Variants in DCHS2 observed in about 807,000 individuals in gnomAD.
DCHS2 encodes protocadherin-23.
Under a neutral mutation model 182.4 loss-of-function variants are expected in DCHS2, and 142 were observed. The ratio of observed to expected loss-of-function variants is 0.78; its 90% CI spans 0.68 to 0.89. The LOEUF (loss-of-function observed/expected upper bound fraction) is 0.89. Ranked by LOEUF, DCHS2 falls within the 40% of genes least tolerant of loss-of-function variation. The probability of loss-of-function intolerance (pLI) is 0.00; values close to 1 mark genes in which losing one functional copy is unlikely to be tolerated. For missense variants in DCHS2, 4,319 were observed against 4,198.6 expected, an observed-to-expected ratio of 1.03 and a Z score of -0.79; for synonymous variants, 1,740 against 1,663.3, an observed-to-expected ratio of 1.05 and a Z score of -1.12.
chr4:154,259,156 T>G (rs1365972962), intron 15 of DCHS2, among the ~76,000 whole-genome samples: 1 of 152,150 alleles, frequency 6.6e-6, no homozygotes, highest in Non-Finnish European at 1.5e-5. Context: ...CCTTGAAGAC[T>G]TAGTGTAAAT....
chr4:154,467,147 G>A (rs2111009994), intron 1 of DCHS2, among the ~76,000 whole-genome samples: 1 of 152,200 alleles, frequency 6.6e-6, no homozygotes, highest in East Asian at 1.9e-4. Context: ...TTTTTAAATA[G>A]AAAAAATCAA....
chr4:154,275,636 T>C (rs1027118124), intron 13 of DCHS2, among the ~76,000 whole-genome samples: 3 of 152,150 alleles, frequency 2.0e-5, no homozygotes, highest in Non-Finnish European at 2.9e-5. Flanking sequence ...GTACAATTTA[T>C]TTCCTAAACA....
At chr4:154,368,648 C>T (rs1171165886) in intron 2 of DCHS2, among the ~76,000 whole-genome samples, 1 of 151,992 alleles carries the variant, frequency 6.6e-6, no homozygotes, top group African/African-American at 2.4e-5. Flanking sequence ...TCCCGAATAG[C>T]TGGGATTACA....
chr4:154,365,754 A>G (rs1730320289), intron 3 of DCHS2, among the ~76,000 whole-genome samples: 1 of 151,746 alleles, frequency 6.6e-6, no homozygotes, highest in Admixed American at 6.6e-5. Context: ...GGTACAAGGA[A>G]TTCTCTGCCT....
chr4:154,373,310 A>G (rs1730728872), intron 2 of DCHS2, among the ~76,000 whole-genome samples: 1 of 152,218 alleles, frequency 6.6e-6, no homozygotes, highest in African/African-American at 2.4e-5. Flanking sequence ...AAGAATAATT[A>G]TGATAGATGC....
At chr4:154,362,070 C>T (rs1160519591) in intron 3 of DCHS2, among the ~76,000 whole-genome samples, 1 of 152,150 alleles carries the variant, frequency 6.6e-6, no homozygotes, top group Non-Finnish European at 1.5e-5. Flanking sequence ...TATGACATAA[C>T]ATCTCAACCT....
chr4:154,480,638 T>C (rs962789690), intron 1 of DCHS2, among the ~76,000 whole-genome samples: 3 of 152,222 alleles, frequency 2.0e-5, no homozygotes, highest in African/African-American at 7.2e-5. Context: ...AATTACAAAT[T>C]ACTGTAGTCA....
At chr4:154,381,673 A>G (rs969178140) in intron 1 of DCHS2, among the ~76,000 whole-genome samples, 3 of 152,114 alleles carry the variant, frequency 2.0e-5, no homozygotes, top group Non-Finnish European at 4.4e-5. Context: ...CAAGAACACA[A>G]TCCCATTTAC....
intron 1 of DCHS2, among the ~76,000 whole-genome samples, chr4:154,470,662 A>T (rs1354229476): frequency 1.5e-4 from 23 of 152,168 alleles, no homozygotes; most frequent in Admixed American, 1.5e-3. Context: ...CTCATCTCAT[A>T]AGCTATGTAT....
intron 8 of DCHS2, 130 bp from the exon 9 acceptor site, chr4:154,321,352 T>A (rs1736055426): frequency 5.7e-6 from 6 of 1,047,036 alleles, no homozygotes; most frequent in Non-Finnish European, 7.6e-6. Context: ...GTGAGAAAAA[T>A]GTCATTTTTA....
chr4:154,459,448 C>T (rs576703714), intron 1 of DCHS2, among the ~76,000 whole-genome samples: 1 of 152,170 alleles, frequency 6.6e-6, no homozygotes, highest in East Asian at 1.9e-4. Flanking sequence ...AGTTTTTGCT[C>T]TTCTCTTCTC....
chr4:154,273,047 A>C (rs1323194338), intron 13 of DCHS2, among the ~76,000 whole-genome samples: 5 of 152,136 alleles, frequency 3.3e-5, no homozygotes, highest in Non-Finnish European at 7.4e-5. Context: ...CAGATTCCTT[A>C]AAGAACTAAA....
chr4:154,406,204 C>T (rs1271920060), intron 1 of DCHS2, among the ~76,000 whole-genome samples: 1 of 152,250 alleles, frequency 6.6e-6, no homozygotes, highest in East Asian at 1.9e-4. Context: ...ATGGTAAACA[C>T]CCACGCAGAT....
Position 154,321,017 on chromosome 4 carries a change from A to C in DCHS2, c.4382T>G (p.Leu1461Trp), listed in dbSNP as rs1450982769. Residue 1461 changes from leucine to tryptophan, a missense_variant, in exon 9 of 20, where the codon TTG becomes TGG. By Grantham distance (61) the Leu-to-Trp change is moderately conservative. Transcript: ENST00000357232. Reference protein sequence around the residue: ...HFEIDSSTGDLFLSKELDYET... With the variant: ...HFEIDSSTGDWFLSKELDYET... ...ATAATCAAGTTCCTTAGAAAGAAAC[A>C]AGTCTCCGGTTGAGCTGTCTATTTC... is the stretch of plus-strand genomic sequence containing the variant. The C allele has an allele frequency of 6.2e-7, 1 of 1,613,984 alleles. No individual in the cohort carries two copies. The highest frequency in any genetic ancestry group is 1.1e-5 in the South Asian group (1 of 91,038).
chr4:154,286,363 G>A (rs1356363983), intron 13 of DCHS2, among the ~76,000 whole-genome samples: 3 of 151,966 alleles, frequency 2.0e-5, no homozygotes, highest in Admixed American at 6.6e-5. Context: ...ACTAAATAAG[G>A]CACCAGGGAC....
intron 3 of DCHS2, among the ~76,000 whole-genome samples, chr4:154,351,390 A>G (rs1729603295): frequency 6.6e-6 from 1 of 152,214 alleles, no homozygotes; most frequent in Non-Finnish European, 1.5e-5. Flanking sequence ...AATTGCAGAA[A>G]TTAATGCAAC....
chr4:154,331,379 A>T (rs1327114925), intron 5 of DCHS2, among the ~76,000 whole-genome samples: 1 of 152,154 alleles, frequency 6.6e-6, no homozygotes, highest in African/African-American at 2.4e-5. Flanking sequence ...TATTTTAAAG[A>T]AAAAAACAAG....
Position 154,333,231 on chromosome 4 carries a change from G to C in DCHS2, c.2977C>G (p.Pro993Ala). Residue 993 changes from proline to alanine, a missense_variant, in exon 5 of 20, where the codon CCC becomes GCC. By Grantham distance (27) the Pro-to-Ala change is conservative. Transcript: ENST00000357232. Reference protein sequence around the residue: ...SDEIRISQTTPPGTALYLARA... With the variant: ...SDEIRISQTTAPGTALYLARA... ...GCGAGGTACAAGGCTGTGCCAGGGG[G>C]CGTGGTCTGGGATATTCTAATCTCA... 1 of 1,614,218 alleles carries C rather than the reference G, an allele frequency of 6.2e-7. No individual in the cohort carries two copies. The highest frequency in any genetic ancestry group is 8.5e-7 in the Non-Finnish European group (1 of 1,180,040).
chr4:154,353,169 G>A (rs1164651448), intron 3 of DCHS2, among the ~76,000 whole-genome samples: 1 of 152,100 alleles, frequency 6.6e-6, no homozygotes, highest in Non-Finnish European at 1.5e-5. Flanking sequence ...GATTAAAATT[G>A]TAGGGAGAAG....
Sources: gnomAD v4.1 joint callset for allele counts (sites outside exome capture counted in the v4.1 genomes callset) on GRCh38, gnomAD v4.1.1 for gene constraint, MANE v1.5 for transcripts, NCBI Gene and HGNC (gene_info 2026-07-23, HGNC 2026-07-21) for gene names.